BTBD8: variants seen among roughly 807,000 people sequenced by gnomAD.
BTBD8 encodes BTB domain containing 8.
BTBD8 carries 110 observed loss-of-function variants against 162.9 expected under a neutral mutation model. The ratio of observed to expected loss-of-function variants is 0.68; its 90% CI spans 0.58 to 0.79. The LOEUF is 0.79. Among genes scored for constraint, BTBD8 ranks in the 30% least tolerant of loss-of-function variants. The pLI is 0.00. For missense variants in BTBD8, 1,905 were observed against 2,085.4 expected (o/e 0.91, Z 1.68); for synonymous variants, 667 against 716.1 (o/e 0.93, Z 1.10).
intron 1 of BTBD8, among the ~76,000 whole-genome samples, 156 bp downstream of exon 1, chr1:92,080,876 C>A (rs973863129): frequency 1.3e-5 from 2 of 152,176 alleles, no homozygotes; most frequent in Non-Finnish European, 2.9e-5. Flanking sequence ...CCCCACTATT[C>A]CGAAAAGTGG....
In BTBD8 at chr1:92,167,872, G is replaced by A. The variant is rs201739870; in HGVS notation, c.1330G>A (p.Asp444Asn). The A allele has an allele frequency of 6.8e-5, 106 of 1,550,140 alleles. 3 individuals carry two copies. The highest frequency in any genetic ancestry group is 4.2e-4 in the East Asian group (17 of 40,890). Residue 444 changes from aspartate to asparagine, a missense_variant, in exon 11 of 18, where the codon GAT becomes AAT. This residue lies in a region of BTBD8 where 1,374 missense variants were observed against 1,442.7 expected (regional missense o/e 0.95). Coordinates refer to ENST00000636805, the MANE Select transcript of BTBD8 (RefSeq NM_001376131.1). ...GTCACAAGCAATGAGCAGCACAGCC[G>A]ATCTGTTGGACACAATTTTAAAAGC... ...LQSQAMSSTADLLDTILKAIE... is the reference protein window; with the variant it reads ...LQSQAMSSTANLLDTILKAIE...
chr1:92,100,124 G>A (rs1210956271), intron 2 of BTBD8, among the ~76,000 whole-genome samples: 1 of 152,124 alleles, frequency 6.6e-6, no homozygotes, highest in Non-Finnish European at 1.5e-5. Context: ...ATGTGGTTTT[G>A]TGTACTTTAT....
chr1:92,139,292 G>C (rs1375343137), intron 5 of BTBD8, 58 bp from the exon 6 acceptor site: 3 of 1,504,528 alleles, frequency 2.0e-6, no homozygotes, highest in South Asian at 2.7e-5. Context: ...AAAATAGAAT[G>C]AATCATTGAT....
intron 9 of BTBD8, among the ~76,000 whole-genome samples, chr1:92,157,852 T>C (rs1445670581): frequency 6.6e-6 from 1 of 152,198 alleles, no homozygotes; most frequent in Non-Finnish European, 1.5e-5. Flanking sequence ...GTTCCTACTA[T>C]CTTTGTATTG....
chr1:92,156,944 TA>T (rs1401385914), intron 9 of BTBD8, among the ~76,000 whole-genome samples: 2 of 151,894 alleles, frequency 1.3e-5, no homozygotes, highest in Non-Finnish European at 2.9e-5. Context: ...CTCTAATATT[TA>T]TTTTTTTTTT....
intron 2 of BTBD8, among the ~76,000 whole-genome samples, chr1:92,098,061 C>A (rs1648499114): frequency 6.6e-6 from 1 of 152,138 alleles, no homozygotes; most frequent in Admixed American, 6.5e-5. Flanking sequence ...CACGTAGGCA[C>A]TCCTGCCCAC....
intron 1 of BTBD8, among the ~76,000 whole-genome samples, chr1:92,083,403 A>G (rs1319665667): frequency 6.6e-6 from 1 of 152,094 alleles, no homozygotes; most frequent in Admixed American, 6.6e-5. Context: ...TCTTTGCTCA[A>G]GTTCTCCTGC....
At chr1:92,165,789 C>A (rs1650370741) in intron 9 of BTBD8, among the ~76,000 whole-genome samples, 1 of 152,120 alleles carries the variant, frequency 6.6e-6, no homozygotes, top group South Asian at 2.1e-4. Context: ...TAGACTGAAG[C>A]TGCAAGGCTT....
intron 9 of BTBD8, among the ~76,000 whole-genome samples, chr1:92,153,780 A>G (rs895028638): frequency 2.6e-5 from 4 of 152,168 alleles, no homozygotes; most frequent in Non-Finnish European, 5.9e-5. Flanking sequence ...GGTTGCTTCC[A>G]CATGTTGGCT....
chr1:92,167,242 G>C, intron 10 of BTBD8, 102 bp downstream of exon 10: 6 of 1,362,980 alleles, frequency 4.4e-6, no homozygotes, highest in Non-Finnish European at 6.0e-6. Context: ...TTAAATTAAT[G>C]TGATTTAAAT....
intron 9 of BTBD8, among the ~76,000 whole-genome samples, chr1:92,151,561 A>G (rs1047157405): frequency 6.6e-6 from 1 of 151,970 alleles, no homozygotes; most frequent in Non-Finnish European, 1.5e-5. Flanking sequence ...TTTTTTTTCA[A>G]TAGCTTTTGG....
intron 13 of BTBD8, among the ~76,000 whole-genome samples, chr1:92,172,115 C>T (rs1418630986): frequency 1.3e-5 from 2 of 151,924 alleles, no homozygotes; most frequent in Non-Finnish European, 2.9e-5. Context: ...GATTTTAATT[C>T]ACATAATGTA....
intron 4 of BTBD8, among the ~76,000 whole-genome samples, chr1:92,122,265 A>AT (rs66837514): frequency 4.9e-4 from 72 of 146,834 alleles, no homozygotes; most frequent in Non-Finnish European, 7.6e-4. Context: ...TATTATTATT[A>AT]TTTTTTTTTT....
Position 92,166,964 on chromosome 1 carries a change from A to C in BTBD8, c.1129A>C (p.Lys377Gln). 7 of 1,542,944 alleles carry C rather than the reference A, an allele frequency of 4.5e-6. No individual in the cohort carries two copies. Among genetic ancestry groups the C allele is most frequent in the Non-Finnish European group, 6.1e-6 (7 of 1,143,164 alleles). Residue 377 changes from lysine to glutamine, a missense_variant, in exon 10 of 18, where the codon AAG becomes CAG. By Grantham distance (53) the Lys-to-Gln change is moderately conservative. This residue lies in a region of BTBD8 where 1,374 missense variants were observed against 1,442.7 expected (regional missense o/e 0.95). Transcript: ENST00000636805. ...ATTTTTTTTTAAATCTAAGAATGATAAGAATGCTGCTTTTCTTCTGATGGA... is the reference window on the plus strand; with the variant it reads ...ATTTTTTTTTAAATCTAAGAATGATCAGAATGCTGCTTTTCTTCTGATGGA... ...LNMLIQSLND[K>Q]NAAFLLMESD...
At chr1:92,183,653 T>C (rs1650986587) in intron 17 of BTBD8, among the ~76,000 whole-genome samples, 1 of 152,120 alleles carries the variant, frequency 6.6e-6, no homozygotes, top group South Asian at 2.1e-4. Context: ...GTTAGTTGCC[T>C]ATGTTGATTT....
intron 5 of BTBD8, among the ~76,000 whole-genome samples, chr1:92,133,443 C>T (rs1323531353): frequency 6.6e-6 from 1 of 152,202 alleles, no homozygotes; most frequent in Non-Finnish European, 1.5e-5. Context: ...TTTCCCAATA[C>T]CAGGACAGCA....
chr1:92,094,964 G>A (rs1648407669), intron 2 of BTBD8, among the ~76,000 whole-genome samples: 1 of 152,174 alleles, frequency 6.6e-6, no homozygotes, highest in African/African-American at 2.4e-5. Context: ...TATACTACAA[G>A]GATTGAAAGT....
intron 1 of BTBD8, among the ~76,000 whole-genome samples, chr1:92,084,801 C>A (rs1420487276): frequency 1.3e-5 from 2 of 152,226 alleles, no homozygotes; most frequent in Non-Finnish European, 2.9e-5. Flanking sequence ...TATGACTCCT[C>A]TTTCACTGTA....
intron 5 of BTBD8, among the ~76,000 whole-genome samples, chr1:92,137,422 A>G (rs1156679768): frequency 6.6e-6 from 1 of 152,150 alleles, no homozygotes; most frequent in Non-Finnish European, 1.5e-5. Context: ...GAAAGAGGAA[A>G]TAGAGAGCAG....
Sources: gnomAD v4.1 joint callset for allele counts (sites outside exome capture counted in the v4.1 genomes callset) on GRCh38, gnomAD v4.1.1 for gene constraint, gnomAD v4.1.1 regional missense constraint, MANE v1.5 for transcripts, NCBI Gene and HGNC (gene_info 2026-07-23, HGNC 2026-07-21) for gene names.